VIPAS39: variants seen among roughly 807,000 people sequenced by gnomAD.
VIPAS39 encodes the protein spermatogenesis-defective protein 39 homolog.
In VIPAS39, 63 loss-of-function variants were observed where a neutral mutation model predicts 84.7. That is an observed-to-expected ratio of 0.74 (90% CI 0.61 to 0.92). VIPAS39 has a LOEUF of 0.92. Ranked by LOEUF, VIPAS39 falls within the 40% of genes least tolerant of loss-of-function variation. VIPAS39 has a pLI of 0.00. For synonymous variants in VIPAS39, 192 were observed against 216.5 expected (o/e 0.89, Z 0.99); for missense variants, 499 against 604.5 (o/e 0.83, Z 1.83).
At chr14:77,452,263 T>C (rs370331788) in intron 3 of VIPAS39, among the ~76,000 whole-genome samples, 13 of 152,166 alleles carry the variant, frequency 8.5e-5, no homozygotes, top group African/African-American at 2.4e-4. Flanking sequence ...TAAGAATACA[T>C]GTTTCTATAT....
In VIPAS39 at chr14:77,450,602, C is replaced by G. The variant is rs114008543; in HGVS notation, c.343+585G>C. On this transcript the variant is annotated intron_variant, in intron 4 of 19. Transcript: ENST00000557658. ...CTCGGTTCACTACAACCTTTGCCTC[C>G]CAGGTTCTAGCAATCTGCCTCCCTC... Among the ~76,000 whole-genome samples the G allele has an allele frequency of 5.3e-3, 805 of 152,250 alleles. 5 individuals are homozygous for G. Among genetic ancestry groups the G allele is most frequent in the African/African-American group, 0.019 (778 of 41,550 alleles).
intron 4 of VIPAS39, 90 bp from the exon 5 acceptor site, chr14:77,449,842 A>C: frequency 1.9e-5 from 26 of 1,381,656 alleles, no homozygotes; most frequent in Non-Finnish European, 2.5e-5. Context: ...TAACCAACTC[A>C]ATAACGCAAT....
chr14:77,457,200 G>C, intron 1 of VIPAS39: 2 of 1,504,198 alleles, frequency 1.3e-6, no homozygotes, highest in Non-Finnish European at 1.8e-6. Context: ...GACTCTACGG[G>C]TGAACGTCCA....
At chr14:77,440,916 C>T in intron 11 of VIPAS39, 150 bp downstream of exon 11, 1 of 840,810 alleles carries the variant, frequency 1.2e-6, no homozygotes, top group South Asian at 1.3e-5. Context: ...CAGGGTTTCA[C>T]CATGTTGGCC....
At chr14:77,450,814 A>T in intron 4 of VIPAS39, among the ~76,000 whole-genome samples, 1 of 152,128 alleles carries the variant, frequency 6.6e-6, no homozygotes, top group East Asian at 1.9e-4. Flanking sequence ...CTAGCCAGTT[A>T]TATGTTTACT....
intron 3 of VIPAS39, among the ~76,000 whole-genome samples, chr14:77,451,564 C>A (rs2078882053): frequency 6.6e-6 from 1 of 152,160 alleles, no homozygotes; most frequent in Non-Finnish European, 1.5e-5. Context: ...AAAAGATGCT[C>A]AACCTTACTC....
Position 77,454,052 on chromosome 14 carries a change from G to A in VIPAS39, c.51C>T (p.Phe17=), listed in dbSNP as rs1373319067. The A allele has an allele frequency of 6.2e-7, 1 of 1,614,070 alleles. No individual in the cohort carries two copies. Among genetic ancestry groups the A allele is most frequent in the African/African-American group, 1.3e-5 (1 of 74,926 alleles). Residue 17 remains phenylalanine, a synonymous_variant, in exon 2 of 20, where the codon TTC becomes TTT. Coordinates refer to ENST00000557658, the MANE Select transcript of VIPAS39 (RefSeq NM_001193315.2). The stretch of plus-strand genomic sequence containing the variant: ...CTTCATCGTCAAAGGTAAAAGCCTT[G>A]AACTTGGAGCTGTTCCAATACTCCT... ...DEEEYWNSSK[F]KAFTFDDEDD...
Position 77,457,541 on chromosome 14 carries a change from CG to C in VIPAS39, c.-48del, listed in dbSNP as rs1222375627. 6 of 702,484 alleles carry C rather than the reference CG, an allele frequency of 8.5e-6. No homozygotes were observed. Among genetic ancestry groups the C allele is most frequent in the Non-Finnish European group, 1.4e-5 (6 of 425,446 alleles). 43.5% of individuals were successfully genotyped at this position (702,484 alleles called of 1,614,324 possible). Reference sequence around the variant, plus strand: ...CTCTCAGGACAGCGCCAGCCTCCGCCGCCGCTGGACCAGCCCTTCTATTCAG... The same window carrying C: ...CTCTCAGGACAGCGCCAGCCTCCGCCCCGCTGGACCAGCCCTTCTATTCAG... On this transcript the variant is annotated 5_prime_UTR_variant, in exon 1 of 20. Coordinates refer to ENST00000557658, the MANE Select transcript of VIPAS39 (RefSeq NM_001193315.2).
chr14:77,434,157 A>T, intron 15 of VIPAS39, 105 bp downstream of exon 15: 1 of 1,305,790 alleles, frequency 7.7e-7, no homozygotes, highest in Non-Finnish European at 1.1e-6. Flanking sequence ...TTCCACCTTT[A>T]ACCTTGAATA....
intron 1 of VIPAS39, 171 bp downstream of exon 1, chr14:77,457,324 C>T: frequency 2.6e-6 from 4 of 1,535,670 alleles, no homozygotes; most frequent in Non-Finnish European, 3.5e-6. Flanking sequence ...TCACTCGCAG[C>T]CCCAGTCCCA....
chr14:77,457,329 G>A (rs2078975464), intron 1 of VIPAS39, 166 bp downstream of exon 1: 1 of 1,535,714 alleles, frequency 6.5e-7, no homozygotes, highest in Non-Finnish European at 8.7e-7. Flanking sequence ...CGCAGCCCCA[G>A]TCCCAAGCGT....
chr14:77,450,651 C>G (rs1461718739), intron 4 of VIPAS39, among the ~76,000 whole-genome samples: 1 of 152,130 alleles, frequency 6.6e-6, no homozygotes, highest in African/African-American at 2.4e-5. Context: ...GCTGGGATTA[C>G]AGAAGCCCCC....
At chr14:77,443,024 G>T in intron 9 of VIPAS39, 95 bp downstream of exon 9, 1 of 1,530,696 alleles carries the variant, frequency 6.5e-7, no homozygotes, top group South Asian at 1.1e-5. Flanking sequence ...AAATAGACTT[G>T]ACTAATGAAT....
chr14:77,457,284 A>T (rs1284454572), intron 1 of VIPAS39: 18 of 1,535,472 alleles, frequency 1.2e-5, no homozygotes, highest in Non-Finnish European at 1.5e-5. Context: ...TTCTGAACCA[A>T]ATGTCCGCTT....
chr14:77,450,007 C>T (rs1293673250), intron 4 of VIPAS39, among the ~76,000 whole-genome samples: 2 of 152,146 alleles, frequency 1.3e-5, no homozygotes, highest in South Asian at 2.1e-4. Context: ...AAGTCAGTAG[C>T]ATTAAGTACA....
At chr14:77,450,076 A>G (rs1195976823) in intron 4 of VIPAS39, among the ~76,000 whole-genome samples, 1 of 152,106 alleles carries the variant, frequency 6.6e-6, no homozygotes, top group Admixed American at 6.5e-5. Flanking sequence ...CATCATCCCA[A>G]ACTGAGACTC....
intron 16 of VIPAS39, among the ~76,000 whole-genome samples, chr14:77,432,079 G>C (rs1041512796): frequency 1.3e-5 from 2 of 152,080 alleles, no homozygotes; most frequent in African/African-American, 4.8e-5. Context: ...ACTGTAATCA[G>C]GAGTTTTGCT....
At chr14:77,429,607 T>C (rs919350927) in intron 17 of VIPAS39, 74 bp downstream of exon 17, 3 of 1,471,368 alleles carry the variant, frequency 2.0e-6, no homozygotes, top group East Asian at 4.5e-5. Context: ...GGGTCTCCCA[T>C]CACTGACCAG....
Position 77,451,296 on chromosome 14 carries a change from G to C in VIPAS39, c.234C>G (p.Ser78Arg). The C allele has an allele frequency of 6.2e-7, 1 of 1,614,112 alleles. No homozygotes were observed. The highest frequency in any genetic ancestry group is 1.3e-5 in the African/African-American group (1 of 74,986). ...GTTCACGCCCCTCGTGGGTTGAGCCGCTATTACCAGCAGTCTCTCTGATGG... is the reference window on the plus strand; with the variant it reads ...GTTCACGCCCCTCGTGGGTTGAGCCCCTATTACCAGCAGTCTCTCTGATGG... Reference protein sequence around the residue: ...SWSIRETAGNSGSTHEGREQL... With the variant: ...SWSIRETAGNRGSTHEGREQL... The change falls in exon 4 of 20, where the codon AGC becomes AGG. Residue 78 changes from serine to arginine, a missense_variant. Physicochemically the swap from Ser to Arg is moderately radical, Grantham distance 110. Transcript: ENST00000557658.
Sources: allele counts gnomAD v4.1 joint callset (sites outside exome capture counted in the v4.1 genomes callset), GRCh38; gene constraint gnomAD v4.1.1; transcripts MANE v1.5; gene names NCBI Gene and HGNC (gene_info 2026-07-23, HGNC 2026-07-21).